MEIS2: variants seen among roughly 807,000 people sequenced by gnomAD.
The protein encoded by MEIS2 is homeobox protein Meis2.
In MEIS2, 9 loss-of-function variants were observed where a neutral mutation model predicts 58.6. That is an observed-to-expected ratio of 0.15 (90% CI 0.09 to 0.27). The LOEUF (loss-of-function observed/expected upper bound fraction) is 0.27. Among genes scored for constraint, MEIS2 ranks in the 10% least tolerant of loss-of-function variants. The pLI, the probability that MEIS2 is intolerant of heterozygous loss-of-function variation, is 1.00. For synonymous variants in MEIS2, 221 were observed against 228.4 expected (o/e 0.97, Z 0.29); for missense variants, 427 against 635.0 (o/e 0.67, Z 3.52).
intron 11 of MEIS2, chr15:36,894,865 G>T: frequency 7.2e-7 from 1 of 1,396,894 alleles, no homozygotes; most frequent in Non-Finnish European, 1.0e-6. Flanking sequence ...AATAATTGAT[G>T]GTGAAAAAAT....
At chr15:37,036,674 C>A in intron 8 of MEIS2, 140 bp downstream of exon 8, 3 of 898,606 alleles carry the variant, frequency 3.3e-6, no homozygotes, top group South Asian at 4.4e-5. Context: ...AAAAAAAAAA[C>A]TTTAACTAGT....
intron 8 of MEIS2, among the ~76,000 whole-genome samples, chr15:36,967,671 A>G (rs1567119949): frequency 6.6e-6 from 1 of 152,100 alleles, no homozygotes; most frequent in Non-Finnish European, 1.5e-5. Flanking sequence ...ATATCCCACT[A>G]CTCTGCAACA....
chr15:36,971,673 A>T (rs906907710), intron 8 of MEIS2, among the ~76,000 whole-genome samples: 1 of 151,872 alleles, frequency 6.6e-6, no homozygotes, highest in African/African-American at 2.4e-5. Context: ...CCTGAGGGGA[A>T]CACAATATAC....
At chr15:37,000,517 A>G (rs543752188) in intron 8 of MEIS2, among the ~76,000 whole-genome samples, 5 of 152,212 alleles carry the variant, frequency 3.3e-5, no homozygotes, top group Admixed American at 6.5e-5. Flanking sequence ...CTTGAAGATG[A>G]TCTTACTACT....
intron 7 of MEIS2, among the ~76,000 whole-genome samples, chr15:37,080,532 CAA>C (rs1027662842): frequency 7.5e-4 from 114 of 152,180 alleles, no homozygotes; most frequent in African/African-American, 2.6e-3. Flanking sequence ...GTTACTCTGG[CAA>C]AATACACAGT....
chr15:36,980,355 G>A (rs1272613649), intron 8 of MEIS2, among the ~76,000 whole-genome samples: 1 of 152,042 alleles, frequency 6.6e-6, no homozygotes, highest in Non-Finnish European at 1.5e-5. Context: ...CCCAAGACTG[G>A]GCAGTTTACA....
chr15:37,012,483 C>A (rs1353267354), intron 8 of MEIS2, among the ~76,000 whole-genome samples: 2 of 152,184 alleles, frequency 1.3e-5, no homozygotes, highest in African/African-American at 4.8e-5. Flanking sequence ...ACAAAGTAGT[C>A]CACAGGTGAC....
chr15:36,985,920 A>G (rs1427577348), intron 8 of MEIS2, among the ~76,000 whole-genome samples: 1 of 152,198 alleles, frequency 6.6e-6, no homozygotes, highest in Non-Finnish European at 1.5e-5. Flanking sequence ...TTCAATAAAG[A>G]GGTATGGTAT....
At chr15:36,956,426 A>G (rs866459766) in intron 8 of MEIS2, among the ~76,000 whole-genome samples, 2 of 152,068 alleles carry the variant, frequency 1.3e-5, no homozygotes, top group South Asian at 4.1e-4. Context: ...TTTCTTTTTG[A>G]TAAGAGTGCC....
intron 8 of MEIS2, among the ~76,000 whole-genome samples, chr15:36,962,540 T>C (rs993138370): frequency 3.3e-5 from 5 of 152,228 alleles, no homozygotes; most frequent in African/African-American, 1.2e-4. Context: ...TTGCATTTTT[T>C]TTTTACTGTC....
intron 8 of MEIS2, among the ~76,000 whole-genome samples, chr15:36,955,753 A>G (rs73391520): frequency 0.12 from 18,964 of 152,050 alleles, 1,302 homozygotes; most frequent in African/African-American, 0.19. Context: ...TCCTGTTTCT[A>G]CCTGAAGCAC....
intron 9 of MEIS2, among the ~76,000 whole-genome samples, chr15:36,930,167 T>C (rs2057914114): frequency 7.2e-6 from 1 of 138,956 alleles, no homozygotes; most frequent in South Asian, 2.2e-4. Context: ...CGTACCACTG[T>C]ACTCCAGCCT....
intron 7 of MEIS2, among the ~76,000 whole-genome samples, chr15:37,044,703 T>C (rs965014600): frequency 2.0e-5 from 3 of 152,214 alleles, no homozygotes; most frequent in Non-Finnish European, 2.9e-5. Context: ...CCGGCTCCCA[T>C]TAACAGAGCT....
chr15:37,044,642 A>G (rs887962792), intron 7 of MEIS2, among the ~76,000 whole-genome samples: 1 of 152,068 alleles, frequency 6.6e-6, no homozygotes, highest in African/African-American at 2.4e-5. Flanking sequence ...GCAAACTCCT[A>G]TTGAACCTTT....
At chr15:36,996,014 T>TAC (rs1252150478) in intron 8 of MEIS2, among the ~76,000 whole-genome samples, 7 of 123,724 alleles carry the variant, frequency 5.7e-5, no homozygotes, top group African/African-American at 1.1e-4. Context: ...TATATATATA[T>TAC]ACATATGTGT....
chr15:36,955,470 A>G (rs138446293), intron 8 of MEIS2, among the ~76,000 whole-genome samples: 9 of 152,340 alleles, frequency 5.9e-5, no homozygotes, highest in Middle Eastern at 3.4e-3. Flanking sequence ...AAAATTAGAC[A>G]TAAGTTCTCA....
chr15:37,093,576 C>T lies in MEIS2; in HGVS notation c.639+5G>A. On this transcript the variant is annotated splice_donor_5th_base_variant and intron_variant, in intron 6 of 11. Transcript: ENST00000561208. ...TAAAAGATTGCTAAAGGCTAGCAGA[C>T]TTACATGGTCAGCGAGATTTGTGGA... 3 of 1,614,048 alleles carry T rather than the reference C, an allele frequency of 1.9e-6. No homozygotes were observed. The highest frequency in any genetic ancestry group is 2.5e-6 in the Non-Finnish European group (3 of 1,179,914).
chr15:36,936,927 T>C (rs892212641), intron 9 of MEIS2, among the ~76,000 whole-genome samples: 13 of 152,250 alleles, frequency 8.5e-5, no homozygotes, highest in African/African-American at 2.7e-4. Context: ...TCTGTATTAG[T>C]GTTAACCAAT....
At chr15:36,995,981 A>ATG (rs1336815176) in intron 8 of MEIS2, among the ~76,000 whole-genome samples, 13 of 79,812 alleles carry the variant, frequency 1.6e-4, no homozygotes, top group Admixed American at 1.0e-3. Flanking sequence ...ATATATATAT[A>ATG]TATATATATA....
Sources: gnomAD v4.1 joint callset for allele counts (sites outside exome capture counted in the v4.1 genomes callset) on GRCh38, gnomAD v4.1.1 for gene constraint, MANE v1.5 for transcripts, NCBI Gene and HGNC (gene_info 2026-07-23, HGNC 2026-07-21) for gene names.